Variants in SUCLA2 observed in about 807,000 individuals in gnomAD.
SUCLA2 encodes succinate--CoA ligase [ADP-forming] subunit beta, mitochondrial.
SUCLA2 carries 30 observed loss-of-function variants against 54.8 expected under a neutral mutation model. The ratio of observed to expected loss-of-function variants is 0.55; its 90% CI spans 0.41 to 0.74. SUCLA2 has a LOEUF of 0.74. Among genes scored for constraint, SUCLA2 ranks in the 30% least tolerant of loss-of-function variants. The pLI is 0.00. For synonymous variants in SUCLA2, 172 were observed against 188.9 expected, an observed-to-expected ratio of 0.91 and a Z score of 0.74; for missense variants, 476 against 562.9, an observed-to-expected ratio of 0.85 and a Z score of 1.56.
At chr13:47,950,663 A>T (rs757825032) in intron 8 of SUCLA2, among the ~76,000 whole-genome samples, 41 of 152,094 alleles carry the variant, frequency 2.7e-4, no homozygotes, top group Non-Finnish European at 4.7e-4. Context: ...CTCTTTTTTA[A>T]AAAAAAGAGG....
chr13:47,959,373 GTAAAATGATGT>G (rs1401965903), intron 6 of SUCLA2, among the ~76,000 whole-genome samples: 1 of 47,650 alleles, frequency 2.1e-5, no homozygotes, highest in African/African-American at 8.0e-5. Flanking sequence ...CTGTCCTGGA[GTAAAATGATGT>G]TATTTAAACA....
intron 8 of SUCLA2, among the ~76,000 whole-genome samples, chr13:47,953,022 C>T (rs1391325175): frequency 6.6e-6 from 1 of 152,150 alleles, no homozygotes; most frequent in Non-Finnish European, 1.5e-5. Context: ...CACAGCACTA[C>T]TTTGTGTCAA....
chr13:47,954,614 T>C (rs1949804493), intron 6 of SUCLA2, 57 bp from the exon 7 acceptor site: 2 of 1,541,986 alleles, frequency 1.3e-6, no homozygotes, highest in Non-Finnish European at 1.8e-6. Flanking sequence ...CAATAAAGTA[T>C]CAAATAGTCA....
chr13:47,963,130 G>A lies in SUCLA2; in HGVS notation c.802+5465C>T, dbSNP rs9567961. Among the ~76,000 whole-genome samples, 283 of 152,214 alleles carry A rather than the reference G, an allele frequency of 1.9e-3. 6 individuals carry two copies. In the East Asian group the frequency reaches 0.025, roughly 14 times the overall value. On this transcript the variant is annotated intron_variant, in intron 6 of 10. Transcript: ENST00000646932. ...GCACCCAATTAAACCCTTCTTCTTT[G>A]GCAATACTTCTCAGTGATTGGCTGT... is the stretch of plus-strand genomic sequence containing the variant.
intron 8 of SUCLA2, 140 bp downstream of exon 8, chr13:47,954,000 G>A: frequency 1.3e-6 from 1 of 751,670 alleles, no homozygotes; most frequent in South Asian, 5.1e-5. Context: ...TTCAAGATAT[G>A]ATAGCAAAAA....
chr13:47,948,420 A>C (rs1949751704), intron 10 of SUCLA2, among the ~76,000 whole-genome samples: 1 of 151,992 alleles, frequency 6.6e-6, no homozygotes, highest in African/African-American at 2.4e-5. Flanking sequence ...GGGTCTCCCT[A>C]TGTTGCCCAG....
At chr13:47,949,063 A>G in intron 9 of SUCLA2, 35 bp from the exon 10 acceptor site, 5 of 1,590,788 alleles carry the variant, frequency 3.1e-6, no homozygotes, top group Non-Finnish European at 4.3e-6. Flanking sequence ...AATGTTTTAA[A>G]TACACACACA....
At chr13:47,966,081 T>C (rs971103030) in intron 6 of SUCLA2, among the ~76,000 whole-genome samples, 1 of 152,154 alleles carries the variant, frequency 6.6e-6, no homozygotes, top group Non-Finnish European at 1.5e-5. Flanking sequence ...TTTTAGACAC[T>C]AGAAGAACAA....
At chr13:47,965,268 A>T (rs1428027728) in intron 6 of SUCLA2, among the ~76,000 whole-genome samples, 4 of 152,116 alleles carry the variant, frequency 2.6e-5, no homozygotes, top group South Asian at 4.1e-4. Flanking sequence ...TTTTCCCACA[A>T]ATTTCATAGT....
intron 4 of SUCLA2, among the ~76,000 whole-genome samples, chr13:47,982,705 G>T (rs1950069036): frequency 1.0e-5 from 1 of 99,902 alleles, no homozygotes. Flanking sequence ...TTATATTTTT[G>T]ACAATCTAAA....
chr13:47,947,411 A>G (rs1318279972), intron 10 of SUCLA2, among the ~76,000 whole-genome samples: 1 of 152,222 alleles, frequency 6.6e-6, no homozygotes, highest in East Asian at 1.9e-4. Flanking sequence ...TGGTCAATAA[A>G]GGCAAATAAT....
chr13:47,956,071 A>G (rs1252683165), intron 6 of SUCLA2, among the ~76,000 whole-genome samples: 1 of 152,230 alleles, frequency 6.6e-6, no homozygotes, highest in Non-Finnish European at 1.5e-5. Context: ...TGTAACCACT[A>G]GTAAAGAGAA....
intron 1 of SUCLA2, among the ~76,000 whole-genome samples, chr13:48,000,043 G>GGA (rs907908502): frequency 6.6e-6 from 1 of 151,590 alleles, no homozygotes; most frequent in Non-Finnish European, 1.5e-5. Flanking sequence ...TTCATAAGAA[G>GGA]GAAGTTCAAG....
chr13:48,001,202 G>A lies in SUCLA2; in HGVS notation c.68C>T (p.Thr23Met), dbSNP rs538760468. The change falls in exon 1 of 11, where the codon ACG (threonine) becomes ATG (methionine). Residue 23 changes from threonine to methionine, a missense_variant. Physicochemically the swap from Thr to Met is moderately conservative, Grantham distance 81 (BLOSUM62 -1). Transcript: ENST00000646932. ...TACCTGAGCAGCAGCCCGCTGGGCC[G>A]TCCGAGGCCGGTGGTTCCGAAGGGT... ...VATLRNHRPR[T>M]AQRAAAQVLG... 3.1e-6 allele frequency: 5 copies of A among 1,609,502 alleles called. No homozygotes were observed. In the East Asian group the frequency reaches 8.9e-5, roughly 29 times the overall value.
chr13:47,964,286 G>A (rs1316442585), intron 6 of SUCLA2, among the ~76,000 whole-genome samples: 1 of 152,080 alleles, frequency 6.6e-6, no homozygotes, highest in Non-Finnish European at 1.5e-5. Flanking sequence ...GAATAGACTA[G>A]TGATTTTCAG....
At chr13:47,990,311 G>A (rs1471569607) in intron 2 of SUCLA2, among the ~76,000 whole-genome samples, 1 of 152,190 alleles carries the variant, frequency 6.6e-6, no homozygotes, top group East Asian at 1.9e-4. Context: ...TTGTGCCATT[G>A]CACTCCAGCC....
chr13:47,944,813 C>A (rs1860731255), intron 10 of SUCLA2, among the ~76,000 whole-genome samples: 1 of 152,230 alleles, frequency 6.6e-6, no homozygotes, highest in Middle Eastern at 3.4e-3. Flanking sequence ...GAAATGACAT[C>A]ACATTAACTC....
chr13:47,961,941 T>A (rs1283678595), intron 6 of SUCLA2, among the ~76,000 whole-genome samples: 1 of 152,170 alleles, frequency 6.6e-6, no homozygotes, highest in Non-Finnish European at 1.5e-5. Flanking sequence ...TTAATGCAGG[T>A]TTCTAAAAAC....
intron 5 of SUCLA2, among the ~76,000 whole-genome samples, chr13:47,969,901 A>C (rs1949948853): frequency 6.6e-6 from 1 of 152,150 alleles, no homozygotes; most frequent in African/African-American, 2.4e-5. Context: ...CAGGAGTTTG[A>C]GACCAGCCTG....
Sources: allele counts gnomAD v4.1 joint callset (sites outside exome capture counted in the v4.1 genomes callset), GRCh38; gene constraint gnomAD v4.1.1; transcripts MANE v1.5; gene names NCBI Gene and HGNC (gene_info 2026-07-23, HGNC 2026-07-21).